The following KCNH5 variants were observed in gnomAD, a reference collection of about 807,000 sequenced individuals.
The protein encoded by KCNH5 is voltage-gated delayed rectifier potassium channel KCNH5.
Under a neutral mutation model 96.1 loss-of-function variants are expected in KCNH5, and 46 were observed. The observed-to-expected ratio is 0.48, with a 90% CI of 0.38 to 0.61. The LOEUF (loss-of-function observed/expected upper bound fraction) is 0.61, where lower values mean the gene tolerates loss of function less well. Ranked by LOEUF, KCNH5 falls within the 20% of genes least tolerant of loss-of-function variation. KCNH5 has a pLI of 0.00. For synonymous variants in KCNH5, 439 were observed against 449.8 expected, an observed-to-expected ratio of 0.98 and a Z score of 0.30; for missense variants, 907 against 1,225.8, an observed-to-expected ratio of 0.74 and a Z score of 3.88.
chr14:62,832,307 G>C (rs1054861583), intron 8 of KCNH5, among the ~76,000 whole-genome samples: 2 of 134,614 alleles, frequency 1.5e-5, no homozygotes, highest in Non-Finnish European at 3.2e-5. Flanking sequence ...TTCCTCCTCT[G>C]TTTCTATGTG....
At chr14:62,947,113 C>T (rs2140127885) in intron 7 of KCNH5, among the ~76,000 whole-genome samples, 1 of 152,226 alleles carries the variant, frequency 6.6e-6, no homozygotes, top group East Asian at 1.9e-4. Context: ...TTGGAGGAAA[C>T]TAGGTGAAGG....
At chr14:63,006,531 CA>C (rs1346323398) in intron 2 of KCNH5, 59 bp from the exon 3 acceptor site, 13 of 953,000 alleles carry the variant, frequency 1.4e-5, no homozygotes, top group African/African-American at 6.5e-5. Context: ...TCAAATGCTA[CA>C]AAAATCATAT....
chr14:62,714,564 T>C (rs542388059), intron 10 of KCNH5, among the ~76,000 whole-genome samples: 1 of 152,272 alleles, frequency 6.6e-6, no homozygotes, highest in Admixed American at 6.5e-5. Context: ...TAATTCAATA[T>C]GTAATTTATA....
intron 4 of KCNH5, among the ~76,000 whole-genome samples, chr14:62,997,517 A>G (rs1360733330): frequency 6.6e-6 from 1 of 152,160 alleles, no homozygotes; most frequent in Non-Finnish European, 1.5e-5. Context: ...GGTAGATTAC[A>G]GCAACTGGTT....
chr14:63,025,046 G>T (rs1352079621), intron 1 of KCNH5, among the ~76,000 whole-genome samples: 2 of 151,900 alleles, frequency 1.3e-5, no homozygotes, highest in Non-Finnish European at 2.9e-5. Context: ...ATGATCAAGT[G>T]GTATTTATTC....
intron 2 of KCNH5, among the ~76,000 whole-genome samples, chr14:63,014,968 G>A (rs983662556): frequency 1.3e-5 from 2 of 152,180 alleles, no homozygotes; most frequent in Non-Finnish European, 2.9e-5. Flanking sequence ...CCTTCTGGGG[G>A]ATAGGAGAGG....
intron 8 of KCNH5, among the ~76,000 whole-genome samples, chr14:62,827,901 A>G (rs1479176127): frequency 6.6e-6 from 1 of 152,156 alleles, no homozygotes; most frequent in Non-Finnish European, 1.5e-5. Flanking sequence ...TTGGATCTTT[A>G]CACATGTCTT....
intron 7 of KCNH5, among the ~76,000 whole-genome samples, chr14:62,856,513 T>G (rs1007445180): frequency 2.6e-5 from 4 of 152,224 alleles, no homozygotes; most frequent in African/African-American, 9.6e-5. Flanking sequence ...AAAGTTCACC[T>G]TTAATAATGA....
intron 8 of KCNH5, among the ~76,000 whole-genome samples, chr14:62,834,453 T>C (rs1887424468): frequency 6.6e-6 from 1 of 152,036 alleles, no homozygotes; most frequent in Non-Finnish European, 1.5e-5. Context: ...CCATGGACTA[T>C]TTATTGTACT....
intron 10 of KCNH5, among the ~76,000 whole-genome samples, chr14:62,772,473 C>T (rs1217453469): frequency 1.3e-5 from 2 of 151,856 alleles, no homozygotes; most frequent in Non-Finnish European, 2.9e-5. Flanking sequence ...CCTGTCTCTA[C>T]TAAAAATACA....
chr14:63,045,192 G>A lies in KCNH5; in HGVS notation c.-6C>T, dbSNP rs1191361190. Reference sequence around the variant, plus strand: ...CCTCTCTTGCCCCCCGGCATCCTGGGTCTGGAGAGCAGCGGCCAGGATCCG... The same window carrying A: ...CCTCTCTTGCCCCCCGGCATCCTGGATCTGGAGAGCAGCGGCCAGGATCCG... On this transcript the variant is annotated 5_prime_UTR_variant, in exon 1 of 11. Coordinates refer to ENST00000322893, the MANE Select transcript of KCNH5 (RefSeq NM_139318.5). The A allele has an allele frequency of 5.6e-6, 9 of 1,612,748 alleles. 1 individual carries two copies. In the East Asian group the frequency reaches 6.7e-5, roughly 12 times the overall value.
At chr14:62,780,607 G>C (rs952732518) in intron 9 of KCNH5, among the ~76,000 whole-genome samples, 2 of 152,082 alleles carry the variant, frequency 1.3e-5, no homozygotes, top group Non-Finnish European at 2.9e-5. Context: ...ATCAAATGTA[G>C]ACGTCTTTTA....
At chr14:62,871,692 A>C (rs1888258418) in intron 7 of KCNH5, among the ~76,000 whole-genome samples, 2 of 152,184 alleles carry the variant, frequency 1.3e-5, no homozygotes, top group African/African-American at 4.8e-5. Flanking sequence ...ATAGCTTGTT[A>C]TGATATGTGA....
intron 8 of KCNH5, among the ~76,000 whole-genome samples, chr14:62,842,303 TACTTA>T (rs1887601678): frequency 6.6e-6 from 1 of 152,244 alleles, no homozygotes; most frequent in Non-Finnish European, 1.5e-5. Context: ...GCTGTTATTT[TACTTA>T]ACTTGTGATA....
chr14:62,711,634 C>G (rs538130140), intron 10 of KCNH5, among the ~76,000 whole-genome samples: 237 of 152,280 alleles, frequency 1.6e-3, no homozygotes, highest in Non-Finnish European at 2.5e-3. Flanking sequence ...ATCTCAGGAG[C>G]CAGCAATGCA....
In KCNH5 at chr14:63,037,304, C is replaced by T. The variant is rs1307554669; in HGVS notation, c.73+7810G>A. Among the ~76,000 whole-genome samples, 5 of 152,122 alleles carry T rather than the reference C, an allele frequency of 3.3e-5. No individual in the cohort carries two copies. The East Asian group carries it at 9.6e-4, about 29-fold the overall frequency. On this transcript the variant is annotated intron_variant, in intron 1 of 10. Coordinates refer to ENST00000322893, the MANE Select transcript of KCNH5 (RefSeq NM_139318.5). ...AGGCCTCTAGAAACTTATAAATATG[C>T]ACATGCCCTCCACAGAAAAACAGGA...
At chr14:62,887,245 T>C (rs1888615386) in intron 7 of KCNH5, among the ~76,000 whole-genome samples, 1 of 152,102 alleles carries the variant, frequency 6.6e-6, no homozygotes, top group Non-Finnish European at 1.5e-5. Flanking sequence ...TTTTTGGCAA[T>C]AGCAGGAAAT....
chr14:62,706,481 T>G lies in KCNH5; in HGVS notation c.*1027A>C, dbSNP rs935688930. The G allele has an allele frequency of 6.6e-6, 1 of 152,184 alleles. No individual in the cohort carries two copies. Among genetic ancestry groups the G allele is most frequent in the Non-Finnish European group, 1.5e-5 (1 of 67,988 alleles). 9.4% of individuals were successfully genotyped at this position (152,184 alleles called of 1,614,324 possible). ...AGTGTTTCATTCTTTCTAAGTTATA[T>G]ACATGCCACAAAAATTTATCTATCT... On this transcript the variant is annotated 3_prime_UTR_variant, in exon 11 of 11. Transcript: ENST00000322893.
chr14:62,777,274 T>C (rs1886116985), intron 10 of KCNH5, among the ~76,000 whole-genome samples: 1 of 152,212 alleles, frequency 6.6e-6, no homozygotes, highest in Admixed American at 6.5e-5. Flanking sequence ...ATACAGGTTT[T>C]AGAATCATAG....
Sources: allele counts gnomAD v4.1 joint callset (sites outside exome capture counted in the v4.1 genomes callset), GRCh38; gene constraint gnomAD v4.1.1; transcripts MANE v1.5; gene names NCBI Gene and HGNC (gene_info 2026-07-23, HGNC 2026-07-21).